COBL: variants seen among roughly 807,000 people sequenced by gnomAD.
The protein encoded by COBL is protein cordon-bleu.
In COBL, 51 loss-of-function variants were observed where a neutral mutation model predicts 98.8. The ratio of observed to expected loss-of-function variants is 0.52; its 90% confidence interval spans 0.41 to 0.65. The LOEUF is 0.65. Among genes scored for constraint, COBL ranks in the 30% least tolerant of loss-of-function variants. The pLI is 0.00. For synonymous variants in COBL, 634 were observed against 651.7 expected (o/e 0.97, Z 0.41); for missense variants, 1,617 against 1,617.5 (o/e 1.00, Z 0.01).
intron 7 of COBL, among the ~76,000 whole-genome samples, chr7:51,058,731 C>T (rs753692272): frequency 2.0e-5 from 3 of 152,152 alleles, no homozygotes; most frequent in South Asian, 2.1e-4. Flanking sequence ...CATGGAGAGG[C>T]GTGATGAGGC....
intron 2 of COBL, among the ~76,000 whole-genome samples, chr7:51,207,665 C>T (rs1299056139): frequency 2.6e-5 from 4 of 152,244 alleles, no homozygotes; most frequent in South Asian, 2.1e-4. Context: ...CTCCTAACCG[C>T]GAGTGATCCG....
At chr7:51,245,895 C>T (rs1796238590) in intron 1 of COBL, among the ~76,000 whole-genome samples, 1 of 152,174 alleles carries the variant, frequency 6.6e-6, no homozygotes, top group East Asian at 1.9e-4. Flanking sequence ...AGGTAAGGGA[C>T]AAATCCTGCC....
intron 1 of COBL, among the ~76,000 whole-genome samples, chr7:51,282,222 GC>G (rs1799873870): frequency 6.6e-6 from 1 of 152,036 alleles, no homozygotes; most frequent in African/African-American, 2.4e-5. Context: ...CTTCATTTAT[GC>G]AAATGATTTG....
intron 1 of COBL, among the ~76,000 whole-genome samples, chr7:51,256,083 A>G (rs186250950): frequency 3.3e-4 from 51 of 152,266 alleles, no homozygotes; most frequent in African/African-American, 1.2e-3. Context: ...CGTGTGGCTC[A>G]GCTGAGACCC....
At chr7:51,150,872 T>C (rs185858680) in intron 5 of COBL, among the ~76,000 whole-genome samples, 9 of 152,318 alleles carry the variant, frequency 5.9e-5, no homozygotes, top group African/African-American at 2.2e-4. Flanking sequence ...TGTCATGTTC[T>C]TACCCAGATA....
rs915554673 is a variant in COBL, at chr7:51,082,962, A to G, written c.1096+2204T>C. On this transcript the variant is annotated intron_variant, in intron 7 of 12. Transcript: ENST00000265136. ...GAGAAGGAAAGGCACACACATCCAA[A>G]GACAAGAATGGAAAATCTGGAAACC... The G allele has an allele frequency of 5.1e-6, 6 of 1,174,276 alleles. No individual in the cohort carries two copies. In the Admixed American group the frequency reaches 1.0e-4, roughly 20 times the overall value. 72.7% of individuals were successfully genotyped at this position (1,174,276 alleles called of 1,614,324 possible).
intron 6 of COBL, among the ~76,000 whole-genome samples, chr7:51,098,023 CAA>C (rs3047141): frequency 0.45 from 41,516 of 93,200 alleles, 6,057 homozygotes; most frequent in Middle Eastern, 0.59. Flanking sequence ...GACTCCATCT[CAA>C]AAAAAAAAAA....
intron 1 of COBL, among the ~76,000 whole-genome samples, chr7:51,284,129 C>CAAAAAAAA (rs71021763): frequency 0.015 from 955 of 65,696 alleles, no homozygotes; most frequent in African/African-American, 0.029. Flanking sequence ...ACCAAAAATA[C>CAAAAAAAA]AAAAAAAAAA....
At chr7:51,021,034 G>A (rs184458634) in intron 12 of COBL, 91 of 152,182 alleles carry the variant, frequency 6.0e-4, no homozygotes, top group Admixed American at 1.3e-3. Flanking sequence ...AGCATAGCTG[G>A]GCACCCTCAT....
In COBL at chr7:51,295,285, C is replaced by CAA. The variant is rs10628772; in HGVS notation, c.41+21306_41+21307dup. Among the ~76,000 whole-genome samples, 649 of 137,664 alleles carry CAA rather than the reference C, an allele frequency of 4.7e-3. 6 individuals carry two copies. Among genetic ancestry groups the CAA allele is most frequent in the African/African-American group, 0.015 (554 of 37,348 alleles). 90.3% of individuals were successfully genotyped at this position (137,664 alleles called of 152,430 possible). ...TGGGTGACAGGGCAAGACTCTGGCT[C>CAA]AAAAAAAAAAAAACAACCTACATGA... On this transcript the variant is annotated intron_variant, in intron 1 of 12. Transcript: ENST00000265136.
At position 51,309,439 on chromosome 7, in the gene COBL, T is replaced by C. The variant is rs1201805829; in HGVS notation, c.41+7154A>G. ...GAGAATTATCTCCTCTTTAAGCCACTGTCACTTTATGTTCCTCAAAATAAG... is the reference window on the plus strand; with the variant it reads ...GAGAATTATCTCCTCTTTAAGCCACCGTCACTTTATGTTCCTCAAAATAAG... On this transcript the variant is annotated intron_variant, in intron 1 of 12. Transcript: ENST00000265136. 2.0e-5 allele frequency among the ~76,000 whole-genome samples: 3 copies of C among 152,174 alleles called. No homozygotes were observed. In the East Asian group the frequency reaches 5.8e-4, roughly 29 times the overall value.
chr7:51,034,742 G>C (rs1788464898), intron 8 of COBL: 2 of 152,118 alleles, frequency 1.3e-5, no homozygotes, highest in African/African-American at 2.4e-5. Context: ...ATCAGCCTCT[G>C]TTAGCTTAAA....
At chr7:51,314,717 T>C (rs1030873119) in intron 1 of COBL, among the ~76,000 whole-genome samples, 2 of 152,246 alleles carry the variant, frequency 1.3e-5, no homozygotes, top group Non-Finnish European at 2.9e-5. Context: ...CTACATTTCT[T>C]GGACAAAGAT....
chr7:51,295,817 A>C (rs1801373892), intron 1 of COBL, among the ~76,000 whole-genome samples: 1 of 152,216 alleles, frequency 6.6e-6, no homozygotes. Context: ...AGAAGTCTGC[A>C]CTTCTCCATA....
intron 6 of COBL, among the ~76,000 whole-genome samples, chr7:51,122,253 T>C (rs1168199941): frequency 2.0e-5 from 3 of 152,216 alleles, no homozygotes; most frequent in Admixed American, 6.5e-5. Context: ...CCAGCTTCCT[T>C]TCTCTGCACA....
At chr7:51,108,010 G>A (rs1796466853) in intron 6 of COBL, among the ~76,000 whole-genome samples, 1 of 152,114 alleles carries the variant, frequency 6.6e-6, no homozygotes, top group African/African-American at 2.4e-5. Flanking sequence ...GAAACCTGGA[G>A]TATGTCTTCA....
intron 1 of COBL, among the ~76,000 whole-genome samples, chr7:51,230,472 C>G (rs1794639172): frequency 6.6e-6 from 1 of 152,148 alleles, no homozygotes; most frequent in African/African-American, 2.4e-5. Context: ...CACTGTTGCT[C>G]CTTTCCCCAC....
chr7:51,153,512 T>C (rs984632180), intron 5 of COBL, among the ~76,000 whole-genome samples: 1 of 152,258 alleles, frequency 6.6e-6, no homozygotes, highest in Non-Finnish European at 1.5e-5. Context: ...TTAAATAACA[T>C]TGCTGAAGAT....
intron 7 of COBL, among the ~76,000 whole-genome samples, chr7:51,066,488 A>G (rs980621167): frequency 6.6e-6 from 1 of 152,166 alleles, no homozygotes; most frequent in East Asian, 1.9e-4. Context: ...CCAGACTGGC[A>G]AGGTTCAAGT....
Sources: gnomAD v4.1 joint callset for allele counts (sites outside exome capture counted in the v4.1 genomes callset) on GRCh38, gnomAD v4.1.1 for gene constraint, MANE v1.5 for transcripts, NCBI Gene and HGNC (gene_info 2026-07-23, HGNC 2026-07-21) for gene names.